Variants in PAPPA2 observed in about 807,000 individuals in gnomAD.
PAPPA2 encodes pappalysin-2.
In PAPPA2, 86 loss-of-function variants were observed where a neutral mutation model predicts 176.4. The observed-to-expected ratio is 0.49, with a 90% CI of 0.41 to 0.58. The LOEUF (loss-of-function observed/expected upper bound fraction) is 0.58, where lower values mean the gene tolerates loss of function less well. PAPPA2 is among the 20% of genes least tolerant of loss of function. PAPPA2 has a pLI of 0.00. For missense variants in PAPPA2, 2,073 were observed against 2,256.9 expected (o/e 0.92, Z 1.65); for synonymous variants, 809 against 852.2 (o/e 0.95, Z 0.88).
rs150985168 is a variant in PAPPA2 at position 176,844,937 on chromosome 1, T to C, written c.*2483T>C. 13 of 152,316 alleles carry C rather than the reference T, an allele frequency of 8.5e-5. No homozygotes were observed. The highest frequency in any genetic ancestry group is 2.9e-4 in the African/African-American group (12 of 41,578). The allele number at this position is 152,316 out of a possible 1,614,324, so 9.4% of individuals were successfully genotyped here. On this transcript the variant is annotated 3_prime_UTR_variant, in exon 23 of 23. Coordinates refer to ENST00000367662, the MANE Select transcript of PAPPA2 (RefSeq NM_020318.3). The stretch of plus-strand genomic sequence containing the variant: ...TATTATCTGCAATTCACCACTGCTC[T>C]GGGAAAGCAAAAGGAAAGTTCCTGT...
intron 17 of PAPPA2, among the ~76,000 whole-genome samples, chr1:176,773,443 A>G (rs1440438409): frequency 6.6e-6 from 1 of 152,198 alleles, no homozygotes; most frequent in East Asian, 1.9e-4. Flanking sequence ...AGAAAAGCAG[A>G]AGGGAAATCA....
At chr1:176,618,533 G>C (rs1247732829) in intron 3 of PAPPA2, among the ~76,000 whole-genome samples, 1 of 152,160 alleles carries the variant, frequency 6.6e-6, no homozygotes, top group African/African-American at 2.4e-5. Flanking sequence ...TTATTTCTCT[G>C]TAGTGTTGTG....
chr1:176,485,454 T>C (rs1391569346), intron 1 of PAPPA2, among the ~76,000 whole-genome samples: 4 of 152,140 alleles, frequency 2.6e-5, no homozygotes, highest in African/African-American at 9.7e-5. Context: ...CATGATTCAC[T>C]CTCCCACTCT....
intron 17 of PAPPA2, among the ~76,000 whole-genome samples, chr1:176,774,752 TG>T (rs1185013712): frequency 6.8e-6 from 1 of 146,922 alleles, no homozygotes; most frequent in Non-Finnish European, 1.5e-5. Context: ...CCAGCCTACC[TG>T]CCACTCTATT....
intron 1 of PAPPA2, among the ~76,000 whole-genome samples, chr1:176,510,810 T>TAC (rs200808228): frequency 0.091 from 11,511 of 126,418 alleles, 552 homozygotes; most frequent in South Asian, 0.14. Context: ...AAGCAACACA[T>TAC]ACACACACAC....
chr1:176,642,552 G>T (rs756086264), intron 3 of PAPPA2, among the ~76,000 whole-genome samples: 1 of 151,884 alleles, frequency 6.6e-6, no homozygotes, highest in African/African-American at 2.4e-5. Context: ...GGTCAGTTTT[G>T]TGGCTTAAAT....
chr1:176,796,441 A>T (rs563622180), intron 20 of PAPPA2, among the ~76,000 whole-genome samples: 16 of 152,306 alleles, frequency 1.1e-4, no homozygotes, highest in South Asian at 6.2e-4. Context: ...CTGTCAAATA[A>T]CTACTCCCAT....
intron 12 of PAPPA2, among the ~76,000 whole-genome samples, chr1:176,726,443 AAACTGGTGAATGC>A (rs1661880467): frequency 6.6e-6 from 1 of 152,186 alleles, no homozygotes; most frequent in South Asian, 2.1e-4. Context: ...GTAGTGTTCA[AAACTGGTGAATGC>A]ATGAATAAAT....
intron 21 of PAPPA2, among the ~76,000 whole-genome samples, chr1:176,814,659 G>T (rs1666305363): frequency 6.6e-6 from 1 of 152,194 alleles, no homozygotes; most frequent in African/African-American, 2.4e-5. Flanking sequence ...TGCTGCAGTT[G>T]CTTACCAGCT....
chr1:176,531,953 C>T (rs2102553168), intron 1 of PAPPA2, among the ~76,000 whole-genome samples: 1 of 152,260 alleles, frequency 6.6e-6, no homozygotes, highest in African/African-American at 2.4e-5. Flanking sequence ...TTCCTAGAGG[C>T]CTCCTGTGTA....
At chr1:176,791,037 A>C (rs1295783614) in intron 18 of PAPPA2, among the ~76,000 whole-genome samples, 1 of 152,206 alleles carries the variant, frequency 6.6e-6, no homozygotes, top group Non-Finnish European at 1.5e-5. Context: ...AAACAATTCC[A>C]AAAATAGCTC....
At chr1:176,759,997 AT>A (rs1483623440) in intron 14 of PAPPA2, among the ~76,000 whole-genome samples, 1 of 152,064 alleles carries the variant, frequency 6.6e-6, no homozygotes, top group Non-Finnish European at 1.5e-5. Context: ...CACACACTGA[AT>A]TTTTTTCAGT....
chr1:176,527,856 C>T (rs146137870), intron 1 of PAPPA2, among the ~76,000 whole-genome samples: 96 of 152,244 alleles, frequency 6.3e-4, no homozygotes, highest in African/African-American at 2.2e-3. Context: ...GCAGCTCTGC[C>T]CAGCTCCCTG....
Position 176,713,858 on chromosome 1 carries a change from C to A in PAPPA2, c.3798+1877C>A, listed in dbSNP as rs1389175254. Among the ~76,000 whole-genome samples, 3 of 152,160 alleles carry A rather than the reference C, an allele frequency of 2.0e-5. No homozygotes were observed. The East Asian group carries it at 5.8e-4, about 29-fold the overall frequency. ...GCCAAGATTATAGCAACTCAACACA[C>A]ATAAGTCAGTTTTATAACCTTATTT... On this transcript the variant is annotated intron_variant, in intron 12 of 22. Transcript: ENST00000367662.
intron 1 of PAPPA2, among the ~76,000 whole-genome samples, chr1:176,552,212 C>T (rs1198589279): frequency 2.0e-5 from 3 of 150,274 alleles, no homozygotes; most frequent in African/African-American, 4.9e-5. Flanking sequence ...CTGTTTCATT[C>T]TTCCCTCTTC....
At chr1:176,494,166 C>A (rs1257110554) in intron 1 of PAPPA2, among the ~76,000 whole-genome samples, 3 of 152,132 alleles carry the variant, frequency 2.0e-5, no homozygotes, top group Non-Finnish European at 4.4e-5. Context: ...ATTCACCGAT[C>A]ATCTAAGGTG....
At chr1:176,705,197 T>C (rs1023780414) in intron 9 of PAPPA2, among the ~76,000 whole-genome samples, 4 of 152,190 alleles carry the variant, frequency 2.6e-5, no homozygotes, top group Admixed American at 6.5e-5. Context: ...TCTCTTTTCA[T>C]TGAACCACAT....
intron 12 of PAPPA2, among the ~76,000 whole-genome samples, chr1:176,727,792 T>C (rs1661953732): frequency 6.6e-6 from 1 of 152,002 alleles, no homozygotes; most frequent in Non-Finnish European, 1.5e-5. Context: ...ACAGACCATA[T>C]ACTAGACCAT....
chr1:176,602,177 A>G (rs1238776542), intron 3 of PAPPA2, among the ~76,000 whole-genome samples: 1 of 152,114 alleles, frequency 6.6e-6, no homozygotes, highest in Non-Finnish European at 1.5e-5. Context: ...GAAGCCTGTG[A>G]TGGGCTAACA....
Sources: gnomAD v4.1 joint callset for allele counts (sites outside exome capture counted in the v4.1 genomes callset) on GRCh38, gnomAD v4.1.1 for gene constraint, MANE v1.5 for transcripts, NCBI Gene and HGNC (gene_info 2026-07-23, HGNC 2026-07-21) for gene names.